The following UFD1 variants were observed in gnomAD, a reference collection of about 807,000 sequenced individuals.
UFD1 encodes the protein ubiquitin recognition factor in ER-associated degradation protein 1.
Under a neutral mutation model 45.9 loss-of-function variants are expected in UFD1, and 13 were observed. That is an observed-to-expected ratio of 0.28 (90% CI 0.18 to 0.45). The LOEUF (loss-of-function observed/expected upper bound fraction) is 0.45, where lower values mean the gene tolerates loss of function less well. UFD1 is among the 20% of genes least tolerant of loss of function. The pLI, the probability that UFD1 is intolerant of heterozygous loss-of-function variation, is 1.00. For missense variants in UFD1, 218 were observed against 389.2 expected, an observed-to-expected ratio of 0.56 and a Z score of 3.70; for synonymous variants, 128 against 139.2, an observed-to-expected ratio of 0.92 and a Z score of 0.56.
At chr22:19,452,012 T>A (rs1870770514) in intron 11 of UFD1, 1 of 879,422 alleles carries the variant, frequency 1.1e-6, no homozygotes, top group African/African-American at 1.8e-5. Flanking sequence ...TGAGAAAAGA[T>A]GCATGAGGAT....
chr22:19,455,885 T>C, intron 9 of UFD1, 117 bp from the exon 10 acceptor site: 1 of 894,108 alleles, frequency 1.1e-6, no homozygotes, highest in Non-Finnish European at 1.8e-6. Context: ...CCTTCAGGAC[T>C]GAAGCCCTGA....
chr22:19,476,080 G>T (rs1248283373), intron 1 of UFD1, among the ~76,000 whole-genome samples: 1 of 152,118 alleles, frequency 6.6e-6, no homozygotes, highest in Non-Finnish European at 1.5e-5. Flanking sequence ...AAGCAAGAGA[G>T]ATATACACTC....
At chr22:19,460,774 C>A (rs1362325364) in intron 6 of UFD1, among the ~76,000 whole-genome samples, 1 of 148,288 alleles carries the variant, frequency 6.7e-6, no homozygotes, top group African/African-American at 2.5e-5. Context: ...TTTTTTTTTC[C>A]CTTGAGGCAG....
chr22:19,461,975 C>A (rs1454675882), intron 6 of UFD1, among the ~76,000 whole-genome samples: 1 of 152,096 alleles, frequency 6.6e-6, no homozygotes, highest in Non-Finnish European at 1.5e-5. Flanking sequence ...TTTAAACATT[C>A]AATATGCATG....
At position 19,465,511 on chromosome 22, in the gene UFD1, A is replaced by G. The variant is rs1299806459; in HGVS notation, c.423-237T>C. ...AAATGCCAAGCTGGGGGAAGGGGAA[A>G]TAACCAACCACAAAAGGGCAGTGAG... On this transcript the variant is annotated intron_variant, in intron 5 of 11. Coordinates refer to ENST00000263202, the MANE Select transcript of UFD1 (RefSeq NM_005659.7). The G allele has an allele frequency of 1.0e-5, 5 of 483,852 alleles. No homozygotes were observed. In the East Asian group the frequency reaches 1.5e-4, roughly 14 times the overall value. 30.0% of individuals were successfully genotyped at this position (483,852 alleles called of 1,614,324 possible).
At position 19,450,479 on chromosome 22, in the gene UFD1, T is replaced by C; in HGVS notation, c.*191A>G. 4.4e-6 allele frequency: 3 copies of C among 680,368 alleles called. No homozygotes were observed. Among genetic ancestry groups the C allele is most frequent in the Non-Finnish European group, 7.1e-6 (3 of 421,438 alleles). The allele number at this position is 680,368 out of a possible 1,614,324, so 42.1% of individuals were successfully genotyped here. ...GGACAGCTCTTTGTCTTTCCCCAAA[T>C]CAAGCATACAACTACAAAGTCCTGC... is the stretch of plus-strand genomic sequence containing the variant. On this transcript the variant is annotated 3_prime_UTR_variant, in exon 12 of 12. Transcript: ENST00000263202.
At chr22:19,459,380 C>A (rs1445876348) in intron 6 of UFD1, among the ~76,000 whole-genome samples, 1 of 152,086 alleles carries the variant, frequency 6.6e-6, no homozygotes, top group African/African-American at 2.4e-5. Flanking sequence ...TTTGGGAGGC[C>A]GAGGAGGGCA....
chr22:19,478,639 G>C (rs913704856), intron 1 of UFD1: 2 of 239,112 alleles, frequency 8.4e-6, no homozygotes, highest in Non-Finnish European at 1.6e-5. Context: ...CGAACCCGTA[G>C]GCACGGAGCT....
At position 19,450,465 on chromosome 22, in the gene UFD1, T is replaced by C. The variant is rs972879777; in HGVS notation, c.*205A>G. The C allele has an allele frequency of 1.7e-5, 11 of 629,106 alleles. No homozygotes were observed. The African/African-American group carries it at 1.9e-4, about 11-fold the overall frequency. 39.0% of individuals were successfully genotyped at this position (629,106 alleles called of 1,614,324 possible). On this transcript the variant is annotated 3_prime_UTR_variant, in exon 12 of 12. Coordinates refer to ENST00000263202, the MANE Select transcript of UFD1 (RefSeq NM_005659.7). ...CTACAGGCCCTCAGGGACAGCTCTT[T>C]GTCTTTCCCCAAATCAAGCATACAA...
intron 4 of UFD1, chr22:19,470,008 G>C (rs1314954805): frequency 1.9e-6 from 1 of 518,680 alleles, no homozygotes; most frequent in Non-Finnish European, 3.8e-6. Context: ...AGCCACAGAA[G>C]GGACTGGGGA....
intron 6 of UFD1, among the ~76,000 whole-genome samples, chr22:19,460,755 CTT>C (rs544754175): frequency 1.9e-4 from 26 of 133,584 alleles, no homozygotes; most frequent in African/African-American, 3.3e-4. Flanking sequence ...AACCACCATT[CTT>C]TTTTTTTTTT....
At chr22:19,475,413 C>CA in intron 2 of UFD1, 57 bp downstream of exon 2, 1 of 1,606,122 alleles carries the variant, frequency 6.2e-7, no homozygotes, top group Non-Finnish European at 8.5e-7. Flanking sequence ...TTGAAGGCTA[C>CA]AGCATTGCAG....
intron 6 of UFD1, among the ~76,000 whole-genome samples, chr22:19,460,611 C>T (rs2089758913): frequency 1.3e-5 from 2 of 152,078 alleles, no homozygotes; most frequent in Non-Finnish European, 2.9e-5. Flanking sequence ...CAAGACACAA[C>T]ACACACCAGA....
intron 6 of UFD1, among the ~76,000 whole-genome samples, chr22:19,459,336 C>T (rs1379474645): frequency 3.9e-5 from 6 of 152,174 alleles, no homozygotes; most frequent in East Asian, 1.9e-4. Flanking sequence ...GAAGCAGGGC[C>T]GTGCGTGGTG....
intron 5 of UFD1, chr22:19,467,054 A>C (rs1454423729): frequency 6.6e-6 from 1 of 152,188 alleles, no homozygotes. Flanking sequence ...ATATGCATCC[A>C]GAGCACACCC....
intron 5 of UFD1, chr22:19,466,935 A>C (rs567704279): frequency 1.3e-5 from 2 of 152,350 alleles, no homozygotes; most frequent in African/African-American, 4.8e-5. Context: ...AGAGCTCTGA[A>C]GGACAAGTTA....
intron 3 of UFD1, among the ~76,000 whole-genome samples, chr22:19,474,769 C>T (rs1355579766): frequency 6.6e-6 from 1 of 152,070 alleles, no homozygotes; most frequent in Non-Finnish European, 1.5e-5. Flanking sequence ...TGACAGAATA[C>T]TGAGAACAGT....
chr22:19,454,552 A>T, intron 11 of UFD1, 197 bp downstream of exon 11: 1 of 1,211,080 alleles, frequency 8.3e-7, no homozygotes, highest in South Asian at 1.6e-5. Context: ...CATGATTGTG[A>T]GGCCTCCCCA....
At chr22:19,470,628 G>T (rs1019665557) in intron 4 of UFD1, 4 of 408,126 alleles carry the variant, frequency 9.8e-6, no homozygotes, top group East Asian at 7.1e-5. Context: ...TTTTAGTAGA[G>T]ACGGGGTTTC....
Sources: allele counts gnomAD v4.1 joint callset (sites outside exome capture counted in the v4.1 genomes callset), GRCh38; gene constraint gnomAD v4.1.1; transcripts MANE v1.5; gene names NCBI Gene and HGNC (gene_info 2026-07-23, HGNC 2026-07-21).